The following LPIN1 variants were observed in gnomAD, a reference collection of about 807,000 sequenced individuals.
LPIN1 encodes lipin 1, also known as phosphatidate phosphatase LPIN1.
In LPIN1, 71 loss-of-function variants were observed where a neutral mutation model predicts 107.5. That is an observed-to-expected ratio of 0.66 (90% CI 0.55 to 0.80). The LOEUF (loss-of-function observed/expected upper bound fraction) is 0.80, where lower values mean the gene tolerates loss of function less well. Ranked by LOEUF, LPIN1 falls within the 30% of genes least tolerant of loss-of-function variation. The pLI is 0.00. For synonymous variants in LPIN1, 445 were observed against 452.6 expected, an observed-to-expected ratio of 0.98 and a Z score of 0.21; for missense variants, 1,043 against 1,160.6, an observed-to-expected ratio of 0.90 and a Z score of 1.47.
At chr2:11,796,745 A>G (rs1382134971) in intron 14 of LPIN1, among the ~76,000 whole-genome samples, 1 of 152,048 alleles carries the variant, frequency 6.6e-6, no homozygotes. Flanking sequence ...TGGAAGGGAG[A>G]AGGCAGGTGT....
intron 1 of LPIN1, among the ~76,000 whole-genome samples, chr2:11,760,052 C>A (rs1281988612): frequency 7.0e-6 from 1 of 143,566 alleles, no homozygotes; most frequent in East Asian, 2.1e-4. Context: ...GGGTCGCGGC[C>A]GGGCAGAGGC....
At chr2:11,816,241 G>A (rs1573004067) in intron 18 of LPIN1, 1 of 152,274 alleles carries the variant, frequency 6.6e-6, no homozygotes, top group African/African-American at 2.4e-5. Flanking sequence ...ATGTCAAATT[G>A]AGACATGCAC....
upstream of LPIN1, among the ~76,000 whole-genome samples, chr2:11,722,957 C>A (rs1180495454): frequency 6.6e-6 from 1 of 152,110 alleles, no homozygotes; most frequent in East Asian, 1.9e-4. Context: ...TGTGCAAATC[C>A]CACGCTGTTA....
chr2:11,759,135 TTCTTTC>T (rs1669153715), intron 1 of LPIN1, among the ~76,000 whole-genome samples: 1 of 39,570 alleles, frequency 2.5e-5, no homozygotes. Context: ...TTTCTTTCTT[TTCTTTC>T]TTTCTTTCTT....
intron 6 of LPIN1, among the ~76,000 whole-genome samples, chr2:11,778,925 G>T (rs1357534111): frequency 1.3e-5 from 2 of 152,194 alleles, no homozygotes; most frequent in African/African-American, 4.8e-5. Context: ...AGTATTCCTG[G>T]AAGACATAAG....
intron 2 of LPIN1, among the ~76,000 whole-genome samples, chr2:11,767,187 A>G (rs1304208971): frequency 6.6e-6 from 1 of 152,198 alleles, no homozygotes; most frequent in Non-Finnish European, 1.5e-5. Flanking sequence ...TTTTGGGATG[A>G]TGTCTCCTGA....
At chr2:11,740,502 G>A (rs947833248) in intron 1 of LPIN1, among the ~76,000 whole-genome samples, 15 of 151,992 alleles carry the variant, frequency 9.9e-5, no homozygotes, top group Middle Eastern at 3.4e-3. Flanking sequence ...GCAACATGGC[G>A]AAACCCTGTC....
chr2:11,678,456 T>C (rs2148496334), intron 1 of LPIN1, among the ~76,000 whole-genome samples: 1 of 152,210 alleles, frequency 6.6e-6, no homozygotes, highest in East Asian at 1.9e-4. Flanking sequence ...AAACCACTGC[T>C]CCAAATGGTG....
chr2:11,752,586 T>C (rs913324871), intron 1 of LPIN1, among the ~76,000 whole-genome samples: 7 of 149,788 alleles, frequency 4.7e-5, no homozygotes, highest in Admixed American at 2.6e-4. Context: ...CGCCCGCCAC[T>C]ACGCCCGGCT....
intron 1 of LPIN1, chr2:11,677,844 T>TC (rs1169531052): frequency 2.2e-6 from 2 of 892,268 alleles, no homozygotes; most frequent in Non-Finnish European, 3.5e-6. Context: ...AGCGCCTTGT[T>TC]CGGGATGGGT....
chr2:11,708,763 G>A (rs1663255702), intron 1 of LPIN1, among the ~76,000 whole-genome samples: 1 of 152,146 alleles, frequency 6.6e-6, no homozygotes, highest in Non-Finnish European at 1.5e-5. Context: ...GCAAGCCAGG[G>A]TTAGAGTTAG....
intron 1 of LPIN1, among the ~76,000 whole-genome samples, chr2:11,695,214 C>A (rs767363885): frequency 3.9e-5 from 6 of 152,264 alleles, no homozygotes; most frequent in Non-Finnish European, 7.3e-5. Context: ...ACATGGTGGG[C>A]AGTTCATAAA....
intron 4 of LPIN1, 73 bp from the exon 5 acceptor site, chr2:11,773,547 G>GA: frequency 7.2e-7 from 1 of 1,384,844 alleles, no homozygotes; most frequent in Non-Finnish European, 1.0e-6. Flanking sequence ...AGCTAATCAA[G>GA]AAAAAATTGG....
intron 1 of LPIN1, among the ~76,000 whole-genome samples, chr2:11,711,968 C>CT (rs1263324144): frequency 1.3e-5 from 2 of 152,168 alleles, no homozygotes; most frequent in Non-Finnish European, 2.9e-5. Flanking sequence ...AGCCATTTCC[C>CT]TTTTTTCTAA....
chr2:11,790,978 CTTTT>C (rs201487483), intron 12 of LPIN1, among the ~76,000 whole-genome samples: 18 of 151,642 alleles, frequency 1.2e-4, no homozygotes, highest in African/African-American at 4.1e-4. Flanking sequence ...GGCCTGCTTT[CTTTT>C]TTTAAAAAAA....
chr2:11,802,854 A>C (rs1426322932), intron 14 of LPIN1, 53 bp from the exon 15 acceptor site: 8 of 1,605,320 alleles, frequency 5.0e-6, no homozygotes, highest in African/African-American at 2.7e-5. Flanking sequence ...TGCATTTTTC[A>C]TGGCTACCCA....
At chr2:11,741,515 G>T in intron 2 of LPIN1, 1 of 1,086,016 alleles carries the variant, frequency 9.2e-7, no homozygotes. Flanking sequence ...GCAAGGAAAA[G>T]AACTGCGTAA....
At chr2:11,677,587 CG>C, upstream of LPIN1, 1 of 1,279,194 alleles carries the variant, frequency 7.8e-7, no homozygotes, top group Non-Finnish European at 1.1e-6. Context: ...CCGGTGTTGC[CG>C]GGGGACATTT....
intron 2 of LPIN1, among the ~76,000 whole-genome samples, chr2:11,716,398 T>C (rs772965136): frequency 1.3e-5 from 2 of 152,138 alleles, no homozygotes; most frequent in Non-Finnish European, 1.5e-5. Context: ...TCTCTCCTCC[T>C]GCTCTCCCTC....
Sources: gnomAD v4.1 joint callset for allele counts (sites outside exome capture counted in the v4.1 genomes callset) on GRCh38, gnomAD v4.1.1 for gene constraint, MANE v1.5 for transcripts, NCBI Gene and HGNC (gene_info 2026-07-23, HGNC 2026-07-21) for gene names.